PTGES3: variants seen among roughly 807,000 people sequenced by gnomAD.
PTGES3 encodes the protein prostaglandin E synthase 3, also known as Hsp90 co-chaperone.
PTGES3 carries 5 observed loss-of-function variants against 29.9 expected under a neutral mutation model. The observed-to-expected ratio is 0.17, with a 90% confidence interval of 0.09 to 0.35. The LOEUF is 0.35. Ranked by LOEUF, PTGES3 falls within the 10% of genes least tolerant of loss-of-function variation. The probability of loss-of-function intolerance (pLI) is 1.00; values close to 1 mark genes in which losing one functional copy is unlikely to be tolerated. For synonymous variants in PTGES3, 49 were observed against 57.8 expected, an observed-to-expected ratio of 0.85 and a Z score of 0.69; for missense variants, 128 against 190.0, an observed-to-expected ratio of 0.67 and a Z score of 1.92.
chr12:56,665,719 G>A, intron 6 of PTGES3: 2 of 864,556 alleles, frequency 2.3e-6, no homozygotes, highest in Non-Finnish European at 2.8e-6. Context: ...TTGGCTCACT[G>A]CAACCTCCGC....
At chr12:56,666,353 G>A in intron 5 of PTGES3, 87 bp from the exon 6 acceptor site, 1 of 1,460,854 alleles carries the variant, frequency 6.8e-7, no homozygotes. Context: ...TAAACCTTAA[G>A]TCTGCCACAG....
chr12:56,680,077 G>GTT (rs1262296851), intron 1 of PTGES3, among the ~76,000 whole-genome samples: 3 of 142,356 alleles, frequency 2.1e-5, no homozygotes, highest in Non-Finnish European at 3.0e-5. Context: ...TATTGGTTTT[G>GTT]GTTTTTTTTT....
intron 5 of PTGES3, among the ~76,000 whole-genome samples, chr12:56,669,062 T>A (rs182728040): frequency 7.2e-6 from 1 of 138,508 alleles, no homozygotes. Flanking sequence ...CAGGCTGGAG[T>A]GCAGTGGTGT....
intron 1 of PTGES3, among the ~76,000 whole-genome samples, chr12:56,680,610 A>G (rs887452313): frequency 1.3e-5 from 2 of 151,620 alleles, no homozygotes. Context: ...CCAACTCCTG[A>G]CCTCAGGTGA....
chr12:56,670,265 A>C lies in PTGES3; in HGVS notation c.375+10T>G. 1 of 1,589,838 alleles carries C rather than the reference A, an allele frequency of 6.3e-7. No homozygotes were observed. The stretch of plus-strand genomic sequence containing the variant: ...TTCGAATGGGGAGAGGTCCATTTAA[A>C]GGAACTTACCTCAGAGAAACGATCA... On this transcript the variant is annotated intron_variant, in intron 5 of 7. Coordinates refer to ENST00000262033, the MANE Select transcript of PTGES3 (RefSeq NM_006601.7).
chr12:56,675,170 C>T (rs933375018), intron 1 of PTGES3, among the ~76,000 whole-genome samples: 61 of 151,700 alleles, frequency 4.0e-4, no homozygotes, highest in Admixed American at 1.6e-3. Flanking sequence ...CGTGGTGGCA[C>T]GTACCTGTAG....
intron 3 of PTGES3, among the ~76,000 whole-genome samples, 191 bp from the exon 4 acceptor site, chr12:56,672,038 A>AT (rs570791193): frequency 4.6e-5 from 7 of 151,734 alleles, no homozygotes; most frequent in African/African-American, 1.2e-4. Context: ...TTAAAAAAAA[A>AT]TTTTTTTTTC....
intron 1 of PTGES3, chr12:56,687,637 G>A: frequency 6.0e-6 from 7 of 1,169,594 alleles, no homozygotes; most frequent in Non-Finnish European, 6.4e-6. Flanking sequence ...AAGCAGCCGA[G>A]AGGCGACCCA....
intron 1 of PTGES3, among the ~76,000 whole-genome samples, chr12:56,676,126 T>G (rs1186371055): frequency 4.5e-5 from 6 of 134,684 alleles, no homozygotes; most frequent in Non-Finnish European, 6.6e-5. Context: ...TTTGGGAGGC[T>G]GGGAGGGGGA....
chr12:56,686,798 C>A (rs191353503), intron 1 of PTGES3: 60 of 398,196 alleles, frequency 1.5e-4, no homozygotes, highest in Non-Finnish European at 2.1e-4. Context: ...CAGCCTCACG[C>A]ATCCCTTTAG....
At chr12:56,666,299 G>C (rs1565858779) in intron 5 of PTGES3, 33 bp from the exon 6 acceptor site, 1 of 1,596,384 alleles carries the variant, frequency 6.3e-7, no homozygotes, top group Admixed American at 1.7e-5. Flanking sequence ...TTTTAAAAAT[G>C]ATGTTAAGTT....
intron 6 of PTGES3, 111 bp from the exon 7 acceptor site, chr12:56,664,911 G>T (rs986966784): frequency 6.8e-7 from 1 of 1,480,092 alleles, no homozygotes; most frequent in East Asian, 2.4e-5. Context: ...AGCACAGGTA[G>T]GTAGTCATAT....
chr12:56,679,549 AAC>A (rs1173020678), intron 1 of PTGES3, among the ~76,000 whole-genome samples: 2 of 152,132 alleles, frequency 1.3e-5, no homozygotes, highest in Non-Finnish European at 2.9e-5. Flanking sequence ...AAAATGAATT[AAC>A]AGTCTTACAC....
At chr12:56,685,770 C>CT (rs9325161) in intron 1 of PTGES3, among the ~76,000 whole-genome samples, 127 of 71,806 alleles carry the variant, frequency 1.8e-3, no homozygotes, top group African/African-American at 2.9e-3. Flanking sequence ...GCTACACTTA[C>CT]TTTTTTTTTT....
At chr12:56,675,118 A>G (rs190028055) in intron 1 of PTGES3, among the ~76,000 whole-genome samples, 6 of 151,350 alleles carry the variant, frequency 4.0e-5, no homozygotes, top group African/African-American at 1.5e-4. Flanking sequence ...TGGCCAATAT[A>G]GTAAAACCCC....
At chr12:56,667,276 A>C (rs1022792959) in intron 5 of PTGES3, among the ~76,000 whole-genome samples, 6 of 152,222 alleles carry the variant, frequency 3.9e-5, no homozygotes, top group Non-Finnish European at 8.8e-5. Context: ...ATTTAAACTT[A>C]AACTATTATC....
intron 1 of PTGES3, among the ~76,000 whole-genome samples, chr12:56,680,729 C>A (rs1032977020): frequency 1.3e-5 from 2 of 151,860 alleles, no homozygotes; most frequent in Non-Finnish European, 2.9e-5. Flanking sequence ...ATTCCTGATT[C>A]AGGATAAGTG....
Position 56,688,262 on chromosome 12 carries a change from G to T in PTGES3, c.-263C>A, listed in dbSNP as rs898605668. On this transcript the variant is annotated 5_prime_UTR_variant, in exon 1 of 8. Coordinates refer to ENST00000262033, the MANE Select transcript of PTGES3 (RefSeq NM_006601.7). The stretch of plus-strand genomic sequence containing the variant: ...GCGAGGACGGAGAATGAACGTGCGT[G>T]CGTGCAAACGAGGGGTGGTGAGGCC... 1.8e-6 allele frequency: 1 copy of T among 556,936 alleles called. No individual in the cohort carries two copies. The highest frequency in any genetic ancestry group is 2.9e-6 in the Non-Finnish European group (1 of 349,992). The allele number at this position is 556,936 out of a possible 1,614,324, so 34.5% of individuals were successfully genotyped here. A position where few individuals can be genotyped will look rare whatever the true frequency, so the allele number is the denominator to read the frequency against.
intron 1 of PTGES3, among the ~76,000 whole-genome samples, chr12:56,677,279 A>G (rs1373335746): frequency 6.6e-6 from 1 of 151,350 alleles, no homozygotes; most frequent in Non-Finnish European, 1.5e-5. Flanking sequence ...TACATTTTCC[A>G]TAAAACATTA....
Sources: gnomAD v4.1 joint callset for allele counts (sites outside exome capture counted in the v4.1 genomes callset) on GRCh38, gnomAD v4.1.1 for gene constraint, MANE v1.5 for transcripts, NCBI Gene and HGNC (gene_info 2026-07-23, HGNC 2026-07-21) for gene names.